Variants in P2RY14 observed in about 807,000 individuals in gnomAD.
The protein encoded by P2RY14 is P2Y purinoceptor 14.
A neutral mutation model predicts 0.9 loss-of-function variants in P2RY14; 2 were observed. The ratio of observed to expected loss-of-function variants is 2.16; its 90% CI spans 0.88 to 6.79. P2RY14 has a LOEUF of 6.79. Ranked by LOEUF, P2RY14 falls within the 30% of genes most tolerant of loss-of-function variation. The pLI, the probability that P2RY14 is intolerant of heterozygous loss-of-function variation, is 0.05. For synonymous variants in P2RY14, 158 were observed against 147.2 expected (o/e 1.07, Z -0.53); for missense variants, 378 against 400.1 (o/e 0.94, Z 0.47).
chr3:151,223,526 G>A (rs1729848824), intron 1 of P2RY14, among the ~76,000 whole-genome samples: 1 of 152,170 alleles, frequency 6.6e-6, no homozygotes, highest in African/African-American at 2.4e-5. Context: ...AAGAAATCAT[G>A]TCCTTTGCAG....
Position 151,214,029 on chromosome 3 carries a change from G to T in P2RY14, c.288C>A (p.Val96=). Residue 96 remains valine, a synonymous_variant, in exon 3 of 3, where the codon GTC becomes GTA. Coordinates refer to ENST00000309170, the MANE Select transcript of P2RY14 (RefSeq NM_014879.4). ...PWQLNVFVCR[V]SAVLFYVNMY... is the part of the protein sequence containing the mutation. Reference sequence around the variant, plus strand: ...TGTTGACGTAGAAGAGCACGGCAGAGACCCTGCACACAAACACGTTCAGCT... The same window carrying T: ...TGTTGACGTAGAAGAGCACGGCAGATACCCTGCACACAAACACGTTCAGCT... 6.2e-7 allele frequency: 1 copy of T among 1,614,116 alleles called. No individual in the cohort carries two copies. The highest frequency in any genetic ancestry group is 8.5e-7 in the Non-Finnish European group (1 of 1,179,976).
At chr3:151,242,453 T>A (rs1253734003) in intron 1 of P2RY14, among the ~76,000 whole-genome samples, 1 of 151,748 alleles carries the variant, frequency 6.6e-6, no homozygotes, top group African/African-American at 2.4e-5. Flanking sequence ...CCTCCTCAAG[T>A]GGGTCCCTGA....
chr3:151,273,007 T>C (rs888708982), intron 1 of P2RY14, among the ~76,000 whole-genome samples: 1 of 152,072 alleles, frequency 6.6e-6, no homozygotes, highest in African/African-American at 2.4e-5. Context: ...GAAATGTTCA[T>C]TGGAGCATTT....
rs760692274 is a variant in P2RY14 at position 151,213,942 on chromosome 3, C to T, written c.375G>A (p.Lys125=). 1 of 1,614,130 alleles carries T rather than the reference C, an allele frequency of 6.2e-7. No homozygotes were observed. The highest frequency in any genetic ancestry group is 8.5e-7 in the Non-Finnish European group (1 of 1,180,010). ...ISFDRYYKIV[K]PLWTSFIQSV... ...ACTGGATGAAAGAAGTCCAAAGAGG[C>T]TTTACAATTTTATAATATCTGTCAA... Residue 125 remains lysine (K), a synonymous_variant, in exon 3 of 3, where the codon AAG becomes AAA. Coordinates refer to ENST00000309170, the MANE Select transcript of P2RY14 (RefSeq NM_014879.4).
intron 1 of P2RY14, among the ~76,000 whole-genome samples, chr3:151,222,480 A>G (rs1729561431): frequency 6.6e-6 from 1 of 151,908 alleles, no homozygotes; most frequent in Non-Finnish European, 1.5e-5. Context: ...GAATTATGGG[A>G]GTAGATCTTT....
rs147741407 is a variant in P2RY14 at position 151,225,630 on chromosome 3, A to G, written c.-132-5988T>C. 4.1e-3 allele frequency among the ~76,000 whole-genome samples: 627 copies of G among 152,276 alleles called. 5 individuals are homozygous for G. Among genetic ancestry groups the G allele is most frequent in the African/African-American group, 0.014 (589 of 41,554 alleles). ...CCGTAGCAGCTTTCTGTCAGATCCT[A>G]TCGGTAGCTGTCTCATCCGTGTTCT... On this transcript the variant is annotated intron_variant, in intron 1 of 2. Coordinates refer to ENST00000309170, the MANE Select transcript of P2RY14 (RefSeq NM_014879.4).
chr3:151,232,859 T>A (rs1393850462), intron 1 of P2RY14, among the ~76,000 whole-genome samples: 2 of 152,128 alleles, frequency 1.3e-5, no homozygotes, highest in African/African-American at 2.4e-5. Flanking sequence ...GACAAAAAAA[T>A]CTGCAACAAA....
intron 1 of P2RY14, among the ~76,000 whole-genome samples, chr3:151,262,923 A>G (rs1470311608): frequency 6.6e-6 from 1 of 152,156 alleles, no homozygotes; most frequent in Non-Finnish European, 1.5e-5. Context: ...TTTTGCCTGA[A>G]GACACGTAGC....
At position 151,213,503 on chromosome 3, in the gene P2RY14, T is replaced by G. The variant is rs371105315; in HGVS notation, c.814A>C (p.Ile272Leu). The stretch of plus-strand genomic sequence containing the variant: ...GTGAATTCTTTCATATACCGCAAGA[T>G]TTCTTTTGACTGGCAGCTGTAATGA... ...EAHYSCQSKE[I>L]LRYMKEFTLL... is the part of the protein sequence containing the mutation. Residue 272 changes from isoleucine to leucine, a missense_variant, in exon 3 of 3, where the codon ATC (isoleucine) becomes CTC (leucine). Transcript: ENST00000309170. The G allele has an allele frequency of 6.2e-7, 1 of 1,614,048 alleles. No homozygotes were observed. Among genetic ancestry groups the G allele is most frequent in the Non-Finnish European group, 8.5e-7 (1 of 1,180,020 alleles).
chr3:151,236,724 T>A (rs1732897201), intron 1 of P2RY14, among the ~76,000 whole-genome samples: 1 of 152,250 alleles, frequency 6.6e-6, no homozygotes, highest in Non-Finnish European at 1.5e-5. Flanking sequence ...AATCTCTTCA[T>A]GATTTTTCTA....
chr3:151,247,206 G>A (rs369640230), intron 1 of P2RY14, among the ~76,000 whole-genome samples: 4 of 151,984 alleles, frequency 2.6e-5, no homozygotes, highest in African/African-American at 7.2e-5. Context: ...TCAGTGTGGC[G>A]ATTCCTCAGG....
rs566563791 is a variant in P2RY14 at position 151,221,713 on chromosome 3, A to G, written c.-132-2071T>C. Among the ~76,000 whole-genome samples, 23 of 152,312 alleles carry G rather than the reference A, an allele frequency of 1.5e-4. No individual in the cohort carries two copies. The South Asian group carries it at 4.8e-3, about 32-fold the overall frequency. On this transcript the variant is annotated intron_variant, in intron 1 of 2. Transcript: ENST00000309170. ...CCTAGATTTCAGAATATGTGTGGAA[A>G]TGCCTGGATGTCCAGGCAGAAGTTT...
intron 1 of P2RY14, among the ~76,000 whole-genome samples, chr3:151,266,659 T>G (rs989397079): frequency 3.3e-5 from 5 of 152,278 alleles, no homozygotes; most frequent in Admixed American, 6.5e-5. Context: ...GATGAGCAAG[T>G]GATATGAACA....
At chr3:151,271,257 A>G (rs529504668) in intron 1 of P2RY14, among the ~76,000 whole-genome samples, 3 of 152,362 alleles carry the variant, frequency 2.0e-5, no homozygotes, top group East Asian at 3.9e-4. Context: ...CAAGGAGCAC[A>G]TGAAAAGATT....
chr3:151,242,244 G>C (rs6440729), intron 1 of P2RY14, among the ~76,000 whole-genome samples: 12 of 152,216 alleles, frequency 7.9e-5, no homozygotes, highest in East Asian at 1.9e-4. Context: ...CAAAGCAGCC[G>C]GGAAGCTCAA....
At chr3:151,247,710 A>G (rs1381855867) in intron 1 of P2RY14, among the ~76,000 whole-genome samples, 3 of 149,130 alleles carry the variant, frequency 2.0e-5, no homozygotes, top group Non-Finnish European at 3.0e-5. Context: ...ATGTATACAT[A>G]TGTAACTAAC....
intron 1 of P2RY14, among the ~76,000 whole-genome samples, chr3:151,227,473 A>G (rs1388225590): frequency 6.6e-6 from 1 of 152,216 alleles, no homozygotes; most frequent in Non-Finnish European, 1.5e-5. Flanking sequence ...CATAGTCTTT[A>G]CTTTGTATTC....
At chr3:151,271,998 C>T (rs1455977099) in intron 1 of P2RY14, among the ~76,000 whole-genome samples, 3 of 152,258 alleles carry the variant, frequency 2.0e-5, no homozygotes, top group East Asian at 1.9e-4. Context: ...GTGGTTTATA[C>T]CCCAATATAA....
intron 1 of P2RY14, among the ~76,000 whole-genome samples, chr3:151,272,387 A>G (rs1219276322): frequency 6.6e-6 from 1 of 152,224 alleles, no homozygotes; most frequent in Non-Finnish European, 1.5e-5. Flanking sequence ...CATAGTTATC[A>G]GTCTATCATT....
Sources: allele counts gnomAD v4.1 joint callset (sites outside exome capture counted in the v4.1 genomes callset), GRCh38; gene constraint gnomAD v4.1.1; transcripts MANE v1.5; gene names NCBI Gene and HGNC (gene_info 2026-07-23, HGNC 2026-07-21).